PTK2B: variants seen among roughly 807,000 people sequenced by gnomAD.
PTK2B encodes the protein protein-tyrosine kinase 2-beta.
PTK2B carries 71 observed loss-of-function variants against 142.9 expected under a neutral mutation model. That is an observed-to-expected ratio of 0.50 (90% CI 0.41 to 0.61). The LOEUF (loss-of-function observed/expected upper bound fraction) is 0.61. Ranked by LOEUF, PTK2B falls within the 20% of genes least tolerant of loss-of-function variation. The probability of loss-of-function intolerance (pLI) is 0.00; values close to 1 mark genes in which losing one functional copy is unlikely to be tolerated. For synonymous variants in PTK2B, 519 were observed against 503.4 expected (o/e 1.03, Z -0.42); for missense variants, 1,105 against 1,320.4 (o/e 0.84, Z 2.53).
At chr8:27,444,974 A>G (rs1185115968) in intron 23 of PTK2B, among the ~76,000 whole-genome samples, 1 of 152,204 alleles carries the variant, frequency 6.6e-6, no homozygotes, top group Non-Finnish European at 1.5e-5. Context: ...AAACAAGACC[A>G]TCTAAGGACT....
intron 1 of PTK2B, among the ~76,000 whole-genome samples, chr8:27,371,141 C>T (rs993680558): frequency 8.5e-5 from 13 of 152,144 alleles, no homozygotes; most frequent in Admixed American, 3.9e-4. Flanking sequence ...GTGATACACC[C>T]GCCTCAGCCT....
intron 1 of PTK2B, among the ~76,000 whole-genome samples, chr8:27,333,815 C>T (rs539484975): frequency 6.6e-6 from 1 of 152,136 alleles, no homozygotes; most frequent in Non-Finnish European, 1.5e-5. Context: ...TCCATCATGT[C>T]TCCGGTGACC....
At chr8:27,341,744 CCTCAATGCAGCTT>C (rs1194005550) in intron 1 of PTK2B, among the ~76,000 whole-genome samples, 1 of 152,032 alleles carries the variant, frequency 6.6e-6, no homozygotes, top group African/African-American at 2.4e-5. Flanking sequence ...CATAGTTATA[CCTCAATGCAGCTT>C]CTACCTCCCA....
rs568554747 is a variant in PTK2B at position 27,371,185 on chromosome 8, C to T, written c.-37-26363C>T. Among the ~76,000 whole-genome samples the T allele has an allele frequency of 4.6e-5, 7 of 152,340 alleles. No homozygotes were observed. In the South Asian group the frequency reaches 1.4e-3, roughly 32 times the overall value. On this transcript the variant is annotated intron_variant, in intron 1 of 30. Coordinates refer to ENST00000346049, the MANE Select transcript of PTK2B (RefSeq NM_173176.3). ...CTGGGATTACAGGCATGAGCCAACA[C>T]ATCTGGCCCCAAGTTAGTCTTTATA...
chr8:27,351,248 A>G (rs1365386408), intron 1 of PTK2B, among the ~76,000 whole-genome samples: 1 of 151,142 alleles, frequency 6.6e-6, no homozygotes, highest in African/African-American at 2.4e-5. Context: ...AGTGGGATTT[A>G]ATCTATGTTC....
At position 27,419,931 on chromosome 8, in the gene PTK2B, G is replaced by A. The variant is rs1369875104; in HGVS notation, c.241G>A (p.Gly81Arg). The change falls in exon 3 of 31, where the codon GGG becomes AGG. Residue 81 changes from glycine (G) to arginine (R), a missense_variant. Transcript: ENST00000346049. The stretch of plus-strand genomic sequence containing the variant: ...CTCCATCCTGCTGAGCGGGCGGATC[G>A]GGCCCAACATCCGGTTGGCTGAGTG... ...ITSILLSGRI[G>R]PNIRLAECYG... is the part of the protein sequence containing the mutation. 7 of 1,614,044 alleles carry A rather than the reference G, an allele frequency of 4.3e-6. No homozygotes were observed. Among genetic ancestry groups the A allele is most frequent in the East Asian group, 2.2e-5 (1 of 44,886 alleles).
At chr8:27,338,010 C>T (rs1273373245) in intron 1 of PTK2B, among the ~76,000 whole-genome samples, 2 of 152,164 alleles carry the variant, frequency 1.3e-5, no homozygotes, top group Non-Finnish European at 2.9e-5. Context: ...AATACCTCCA[C>T]GTTCTCGCCA....
intron 1 of PTK2B, among the ~76,000 whole-genome samples, chr8:27,345,090 G>A (rs1277233324): frequency 3.9e-5 from 6 of 152,202 alleles, no homozygotes; most frequent in Admixed American, 3.9e-4. Flanking sequence ...TTGAACCCAG[G>A]AGCCAAAGGT....
intron 1 of PTK2B, among the ~76,000 whole-genome samples, chr8:27,389,479 GA>G (rs1563244194): frequency 6.6e-6 from 1 of 152,198 alleles, no homozygotes; most frequent in East Asian, 1.9e-4. Flanking sequence ...CAAAGGCTTT[GA>G]GGGGAGGAGA....
chr8:27,379,754 T>G (rs1033462542), intron 1 of PTK2B, among the ~76,000 whole-genome samples: 1 of 152,190 alleles, frequency 6.6e-6, no homozygotes, highest in African/African-American at 2.4e-5. Context: ...GAAAAATCTG[T>G]GCATTTTATT....
intron 1 of PTK2B, among the ~76,000 whole-genome samples, chr8:27,373,101 T>C (rs1439699481): frequency 6.6e-6 from 1 of 152,138 alleles, no homozygotes; most frequent in Admixed American, 6.5e-5. Context: ...CAGCCATGCC[T>C]GATGGGCTTC....
Position 27,363,894 on chromosome 8 carries a change from A to G in PTK2B, c.-37-33654A>G, listed in dbSNP as rs879327335. Among the ~76,000 whole-genome samples, 11 of 152,192 alleles carry G rather than the reference A, an allele frequency of 7.2e-5. No individual in the cohort carries two copies. Among genetic ancestry groups the G allele is most frequent in the Non-Finnish European group, 1.5e-4 (10 of 68,026 alleles). ...ACGTGCTGGAGATGAGGAAGTGAGG[A>G]AATACCCAGGGCGCTGCAGGGCTAA... is the stretch of plus-strand genomic sequence containing the variant. On this transcript the variant is annotated intron_variant, in intron 1 of 30. Coordinates refer to ENST00000346049, the MANE Select transcript of PTK2B (RefSeq NM_173176.3). The surrounding 1 kb of genome is among the most constrained non-coding windows in gnomAD (Gnocchi z 4.3).
chr8:27,432,426 T>A (rs1810495427), intron 10 of PTK2B, 65 bp downstream of exon 10: 1 of 1,489,056 alleles, frequency 6.7e-7, no homozygotes, highest in Non-Finnish European at 9.2e-7. Context: ...GATTGGGAGC[T>A]CTTGCTCAGA....
At chr8:27,386,579 G>C (rs917543291) in intron 1 of PTK2B, among the ~76,000 whole-genome samples, 1 of 152,076 alleles carries the variant, frequency 6.6e-6, no homozygotes, top group Non-Finnish European at 1.5e-5. Flanking sequence ...TCACACACAG[G>C]TGGCATCCTG....
At chr8:27,346,248 C>T (rs572620646) in intron 1 of PTK2B, among the ~76,000 whole-genome samples, 13 of 152,296 alleles carry the variant, frequency 8.5e-5, no homozygotes, top group African/African-American at 2.9e-4. Flanking sequence ...AAAGTACTTG[C>T]TTTCTTTGCG....
chr8:27,446,442 G>A (rs1397017980), intron 24 of PTK2B, among the ~76,000 whole-genome samples: 1 of 152,148 alleles, frequency 6.6e-6, no homozygotes. Context: ...GCTAGAGCAG[G>A]GACCTAAGCC....
intron 1 of PTK2B, among the ~76,000 whole-genome samples, chr8:27,312,132 G>A (rs73241429): frequency 0.075 from 11,483 of 152,208 alleles, 467 homozygotes; most frequent in Middle Eastern, 0.1. Flanking sequence ...GGTTCCTTCA[G>A]ATCTTCATTC....
At chr8:27,346,868 C>G (rs1804742346) in intron 1 of PTK2B, among the ~76,000 whole-genome samples, 1 of 152,256 alleles carries the variant, frequency 6.6e-6, no homozygotes, top group Non-Finnish European at 1.5e-5. Flanking sequence ...GCTCACGCTC[C>G]TTTGGTGCTG....
chr8:27,358,643 C>T (rs1432364287), intron 1 of PTK2B, among the ~76,000 whole-genome samples: 1 of 151,970 alleles, frequency 6.6e-6, no homozygotes, highest in Non-Finnish European at 1.5e-5. Context: ...GCAATTTAAG[C>T]TTCTTTATTT....
Sources: allele counts gnomAD v4.1 joint callset (sites outside exome capture counted in the v4.1 genomes callset), GRCh38; gene constraint gnomAD v4.1.1; non-coding constraint Gnocchi (gnomAD v3.1); transcripts MANE v1.5; gene names NCBI Gene and HGNC (gene_info 2026-07-23, HGNC 2026-07-21).